Variants in MGAT4D observed in about 807,000 individuals in gnomAD.
MGAT4D encodes the protein alpha-1,3-mannosyl-glycoprotein 4-beta-N-acetylglucosaminyltransferase-like protein MGAT4D.
A neutral mutation model predicts 15.9 loss-of-function variants in MGAT4D; 34 were observed. The ratio of observed to expected loss-of-function variants is 2.14; its 90% CI spans 1.62 to 2.84. The LOEUF is 2.84. Ranked by LOEUF, MGAT4D falls within the 30% of genes most tolerant of loss-of-function variation. The pLI is 0.00. For synonymous variants in MGAT4D, 112 were observed against 48.2 expected (o/e 2.33, Z -5.49); for missense variants, 327 against 140.2 (o/e 2.33, Z -6.73).
chr4:140,491,343 G>A (rs1428768494), intron 1 of MGAT4D, among the ~76,000 whole-genome samples: 1 of 152,118 alleles, frequency 6.6e-6, no homozygotes, highest in Non-Finnish European at 1.5e-5. Context: ...AGGGAAGAGA[G>A]ATCCCCAAGA....
At position 140,471,792 on chromosome 4, in the gene MGAT4D, A is replaced by G. The variant is rs1578681077; in HGVS notation, c.555T>C (p.Val185=). Residue 185 remains valine, a synonymous_variant, in exon 5 of 11, where the codon GTT becomes GTC. Transcript: ENST00000511113. ...GTACTTACTTTTTTGTAATCATTTT[A>G]ACAACAGAATGTAAATAATCTTCAT... The part of the protein sequence containing the change: ...DSNEDYLHSV[V]KMITKKFKRQ... The G allele has an allele frequency of 9.9e-6, 5 of 503,438 alleles. No individual in the cohort carries two copies. The East Asian group carries it at 1.7e-4, about 17-fold the overall frequency. 31.2% of individuals were successfully genotyped at this position (503,438 alleles called of 1,614,324 possible). A position where few individuals can be genotyped will look rare whatever the true frequency, so the allele number is the denominator to read the frequency against.
At chr4:140,488,712 ATC>A (rs1452429140) in intron 1 of MGAT4D, among the ~76,000 whole-genome samples, 1 of 152,198 alleles carries the variant, frequency 6.6e-6, no homozygotes, top group Non-Finnish European at 1.5e-5. Flanking sequence ...TTGAATATCT[ATC>A]CCCACCAAAT....
chr4:140,461,008 G>A (rs1027955692), intron 7 of MGAT4D, among the ~76,000 whole-genome samples: 2 of 152,104 alleles, frequency 1.3e-5, no homozygotes, highest in African/African-American at 2.4e-5. Flanking sequence ...TTAGAATAAT[G>A]GTGTAAGCCT....
intron 1 of MGAT4D, among the ~76,000 whole-genome samples, chr4:140,487,342 A>G (rs1237140077): frequency 6.6e-6 from 1 of 152,202 alleles, no homozygotes; most frequent in Non-Finnish European, 1.5e-5. Context: ...GGTGAATGTG[A>G]CTTCTGCACA....
chr4:140,476,939 T>C (rs1732377043), intron 3 of MGAT4D, among the ~76,000 whole-genome samples: 1 of 152,166 alleles, frequency 6.6e-6, no homozygotes, highest in South Asian at 2.1e-4. Context: ...TGTGTGCTTA[T>C]ATTATAAATC....
chr4:140,498,192 T>A lies in MGAT4D; in HGVS notation c.31A>T (p.Thr11Ser). The A allele has an allele frequency of 1.4e-6, 1 of 702,504 alleles. No homozygotes were observed. The highest frequency in any genetic ancestry group is 2.6e-6 in the Non-Finnish European group (1 of 384,676). 43.5% of individuals were successfully genotyped at this position (702,504 alleles called of 1,614,324 possible). A position where few individuals can be genotyped will look rare whatever the true frequency, so the allele number is the denominator to read the frequency against. MRTKQVNLLI[T>S]LVAVALFSFS... ...CTGAACAACGCGACGGCGACCAGGGTGATCAGCAAGTTCACCTGCTTGGTC... is the reference window on the plus strand; with the variant it reads ...CTGAACAACGCGACGGCGACCAGGGAGATCAGCAAGTTCACCTGCTTGGTC... The change falls in exon 1 of 11, where the codon ACC becomes TCC. Residue 11 changes from threonine (T) to serine (S), a missense_variant. By Grantham distance (58) the Thr-to-Ser change is moderately conservative. Coordinates refer to ENST00000511113, the MANE Select transcript of MGAT4D (RefSeq NM_001277353.2).
intron 10 of MGAT4D, among the ~76,000 whole-genome samples, chr4:140,450,906 CTAAGT>C (rs984968309): frequency 2.0e-5 from 3 of 152,016 alleles, no homozygotes; most frequent in Non-Finnish European, 2.9e-5. Context: ...CACTAAGGGG[CTAAGT>C]TAATTATCAA....
chr4:140,481,536 T>C (rs1732730581), intron 2 of MGAT4D, among the ~76,000 whole-genome samples: 1 of 152,210 alleles, frequency 6.6e-6, no homozygotes, highest in African/African-American at 2.4e-5. Flanking sequence ...CTATTTGTAA[T>C]TGCCCAAACC....
rs548658266 is a variant in MGAT4D at position 140,445,489 on chromosome 4, C to G, written c.1117-2045G>C. Among the ~76,000 whole-genome samples, 160 of 152,146 alleles carry G rather than the reference C, an allele frequency of 1.1e-3. 3 individuals carry two copies. The South Asian group carries it at 0.033, about 31-fold the overall frequency. On this transcript the variant is annotated intron_variant, in intron 10 of 10. Coordinates refer to ENST00000511113, the MANE Select transcript of MGAT4D (RefSeq NM_001277353.2). Reference sequence around the variant, plus strand: ...TCCCATTCTGTAGGTTGTCTGTTTACTCTGTTAATAGTTTCTTTTGCTATA... The same window carrying G: ...TCCCATTCTGTAGGTTGTCTGTTTAGTCTGTTAATAGTTTCTTTTGCTATA...
In MGAT4D at chr4:140,455,089, A is replaced by T. The variant is rs536305738; in HGVS notation, c.1008+1500T>A. Among the ~76,000 whole-genome samples, 476 of 151,870 alleles carry T rather than the reference A, an allele frequency of 3.1e-3. 3 individuals carry two copies. The highest frequency in any genetic ancestry group is 5.5e-3 in the Non-Finnish European group (374 of 67,896). On this transcript the variant is annotated intron_variant, in intron 9 of 10. Coordinates refer to ENST00000511113, the MANE Select transcript of MGAT4D (RefSeq NM_001277353.2). ...TTTAATTTTGCTGTTTTCTTTTACT[A>T]TTATTATTTTCTTCCCTCTCTTCCT... is the stretch of plus-strand genomic sequence containing the variant.
At chr4:140,450,473 C>A (rs1431342) in intron 10 of MGAT4D, among the ~76,000 whole-genome samples, 105,122 of 152,128 alleles carry the variant, frequency 0.69, 37,697 homozygotes, top group Non-Finnish European at 0.8. Context: ...TTATTCCAGG[C>A]ACATATTTGT....
Position 140,498,216 on chromosome 4 carries a change from T to A in MGAT4D, c.7A>T (p.Thr3Ser). 1.4e-6 allele frequency: 1 copy of A among 702,230 alleles called. No individual in the cohort carries two copies. Among genetic ancestry groups the A allele is most frequent in the Non-Finnish European group, 2.6e-6 (1 of 384,526 alleles). The allele number at this position is 702,230 out of a possible 1,614,324, so 43.5% of individuals were successfully genotyped here. Residue 3 changes from threonine to serine, a missense_variant, in exon 1 of 11, where the codon ACC becomes TCC. Physicochemically the swap from Thr to Ser is moderately conservative, Grantham distance 58. Transcript: ENST00000511113. MR[T>S]KQVNLLITLV... ...GTGATCAGCAAGTTCACCTGCTTGG[T>A]CCTCATGGCCCTGGCCAGGCTGCGG...
intron 4 of MGAT4D, among the ~76,000 whole-genome samples, 187 bp downstream of exon 4, chr4:140,474,626 A>G (rs187957851): frequency 6.2e-4 from 94 of 152,304 alleles, no homozygotes; most frequent in African/African-American, 2.1e-3. Flanking sequence ...TACATATTTA[A>G]TTCCTTCTCA....
intron 9 of MGAT4D, among the ~76,000 whole-genome samples, chr4:140,453,717 C>T (rs1445572670): frequency 6.6e-6 from 1 of 151,862 alleles, no homozygotes; most frequent in Non-Finnish European, 1.5e-5. Context: ...GCAATTACCC[C>T]CTGGCTTTCT....
intron 5 of MGAT4D, among the ~76,000 whole-genome samples, chr4:140,471,062 C>G (rs1315206635): frequency 6.6e-6 from 1 of 151,660 alleles, no homozygotes; most frequent in Non-Finnish European, 1.5e-5. Flanking sequence ...ATTTTGGGGG[C>G]CATTTTTTCA....
chr4:140,484,224 T>C (rs1204725323), intron 1 of MGAT4D, among the ~76,000 whole-genome samples: 1 of 151,866 alleles, frequency 6.6e-6, no homozygotes, highest in African/African-American at 2.4e-5. Context: ...AAGTAAAAAA[T>C]TGGCAAAAGA....
At chr4:140,454,618 A>C (rs1241822385) in intron 9 of MGAT4D, among the ~76,000 whole-genome samples, 1 of 152,142 alleles carries the variant, frequency 6.6e-6, no homozygotes. Context: ...CTTCATGAAA[A>C]GAATTGGGAT....
chr4:140,498,001 C>T (rs920866736), intron 1 of MGAT4D, 128 bp downstream of exon 1: 42 of 542,550 alleles, frequency 7.7e-5, no homozygotes, highest in Non-Finnish European at 1.2e-4. Context: ...CCTCCCAGTG[C>T]CAGCGCGGGC....
chr4:140,458,625 T>G (rs983111969), intron 8 of MGAT4D: 2 of 152,204 alleles, frequency 1.3e-5, no homozygotes, highest in Admixed American at 1.3e-4. Flanking sequence ...TATGCAGCAC[T>G]TATGTAGCAG....
Sources: gnomAD v4.1 joint callset for allele counts (sites outside exome capture counted in the v4.1 genomes callset) on GRCh38, gnomAD v4.1.1 for gene constraint, MANE v1.5 for transcripts, NCBI Gene and HGNC (gene_info 2026-07-23, HGNC 2026-07-21) for gene names.